The following PRH1 variants were observed in gnomAD, a reference collection of about 807,000 sequenced individuals.
PRH1 encodes proline rich protein HaeIII subfamily 1.
A neutral mutation model predicts 7.9 loss-of-function variants in PRH1; 7 were observed. The observed-to-expected ratio is 0.89, with a 90% CI of 0.50 to 1.67. The LOEUF is 1.67. Ranked by LOEUF, PRH1 falls within the 40% of genes most tolerant of loss-of-function variation. PRH1 has a pLI of 0.00. For missense variants in PRH1, 109 were observed against 223.6 expected, an observed-to-expected ratio of 0.49 and a Z score of 3.27; for synonymous variants, 45 against 80.8, an observed-to-expected ratio of 0.56 and a Z score of 2.38.
intron 2 of PRH1, among the ~76,000 whole-genome samples, chr12:10,890,954 C>T (rs1036798476): frequency 8.6e-5 from 13 of 151,980 alleles, no homozygotes; most frequent in Admixed American, 8.5e-4. Context: ...CTTCCCCCAA[C>T]CCCCAGAACC....
intron 1 of PRH1, 149 bp downstream of exon 1, chr12:10,884,005 G>A (rs754022151): frequency 6.4e-5 from 57 of 894,808 alleles, no homozygotes; most frequent in Non-Finnish European, 9.8e-5. Flanking sequence ...GAGGAATGGA[G>A]GTACAATAGA....
chr12:10,990,095 A>G (rs1373207649), intron 1 of PRH1, among the ~76,000 whole-genome samples: 1 of 152,230 alleles, frequency 6.6e-6, no homozygotes, highest in Non-Finnish European at 1.5e-5. Flanking sequence ...TATAGTAACC[A>G]AAACAGCATG....
At position 11,087,961 on chromosome 12, in the gene PRH1, C is replaced by T. The variant is rs115780267; in HGVS notation, n.124-40773G>A. ...GCCTCGTTTTATAATAATAATAACA[C>T]TGTCACTGTTTTATATCATGGCTAT... On this transcript the variant is annotated intron_variant and non_coding_transcript_variant, in intron 1 of 4. Coordinates refer to the PRH1 transcript ENST00000541977. Among the ~76,000 whole-genome samples the T allele has an allele frequency of 7.5e-3, 743 of 98,882 alleles. 180 individuals carry two copies. The highest frequency in any genetic ancestry group is 0.023 in the African/African-American group (715 of 31,386). The allele number at this position is 98,882 out of a possible 152,430, so 64.9% of individuals were successfully genotyped here. A position where few individuals can be genotyped will look rare whatever the true frequency, so the allele number is the denominator to read the frequency against.
At chr12:11,008,863 G>A (rs1940947270) in intron 1 of PRH1, among the ~76,000 whole-genome samples, 1 of 151,666 alleles carries the variant, frequency 6.6e-6, no homozygotes. Context: ...CAATTCCTTT[G>A]CATATATGCC....
chr12:10,952,974 A>T (rs377318495), intron 2 of PRH1, among the ~76,000 whole-genome samples: 250 of 152,306 alleles, frequency 1.6e-3, no homozygotes, highest in African/African-American at 5.8e-3. Flanking sequence ...CCCAATGTTG[A>T]GGTGCCAGAG....
chr12:11,039,748 T>C (rs543217858), intron 1 of PRH1, among the ~76,000 whole-genome samples: 10 of 152,348 alleles, frequency 6.6e-5, no homozygotes, highest in African/African-American at 2.2e-4. Flanking sequence ...AGGCCAATAA[T>C]CCTTAAATCC....
rs1386123607 is a variant in PRH1, at chr12:10,882,250, C to A, written c.549G>T (p.Gly183=). 2 of 1,613,488 alleles carry A rather than the reference C, an allele frequency of 1.2e-6. No homozygotes were observed. The highest frequency in any genetic ancestry group is 1.7e-6 in the Non-Finnish European group (2 of 1,179,880). ...GAATCCTAGATTACTGAGGAGACTG[C>A]CCCTGTGGAGGTCCTTGTGGGCGGC... ...QGGRPQGPPQ[G]QSPQ Residue 183 remains glycine, a synonymous_variant, in exon 3 of 4, where the codon GGG becomes GGT. Transcript: ENST00000543626.
intron 1 of PRH1, among the ~76,000 whole-genome samples, chr12:11,010,123 G>T (rs1941001022): frequency 6.6e-6 from 1 of 151,936 alleles, no homozygotes; most frequent in Admixed American, 6.6e-5. Flanking sequence ...ACTTGCTTAA[G>T]CAATGCATTT....
chr12:10,968,146 ATC>A (rs1230251623), intron 2 of PRH1, among the ~76,000 whole-genome samples: 2 of 152,306 alleles, frequency 1.3e-5, no homozygotes, highest in East Asian at 1.9e-4. Flanking sequence ...GAAATGGTTT[ATC>A]TCTCTGATTG....
At chr12:11,062,955 G>A (rs928879846) in intron 1 of PRH1, among the ~76,000 whole-genome samples, 1 of 151,782 alleles carries the variant, frequency 6.6e-6, no homozygotes, top group Non-Finnish European at 1.5e-5. Flanking sequence ...ACACACACAT[G>A]TGCACACCAC....
chr12:10,956,306 G>A (rs1381665469), intron 2 of PRH1, among the ~76,000 whole-genome samples: 1 of 151,794 alleles, frequency 6.6e-6, no homozygotes, highest in Admixed American at 6.6e-5. Flanking sequence ...TCACATAAGT[G>A]AAACTAACAA....
intron 1 of PRH1, among the ~76,000 whole-genome samples, chr12:11,005,534 G>T (rs1280431463): frequency 6.6e-6 from 1 of 152,012 alleles, no homozygotes; most frequent in Non-Finnish European, 1.5e-5. Context: ...AGAATCCAAG[G>T]TTTTCTTGGA....
chr12:11,133,004 T>A (rs369127037), intron 1 of PRH1: 2,446 of 149,940 alleles, frequency 0.016, no homozygotes, highest in Admixed American at 0.035. Flanking sequence ...AAAATACATG[T>A]ATGAAATAAA....
chr12:11,085,402 G>A (rs1297338660), intron 1 of PRH1, among the ~76,000 whole-genome samples: 2 of 107,962 alleles, frequency 1.9e-5, no homozygotes, highest in Middle Eastern at 4.1e-3. Context: ...TACCATTACT[G>A]TTATGGAAAA....
At chr12:11,116,218 C>T (rs150915171), downstream of PRH1, among the ~76,000 whole-genome samples, 2,038 of 151,982 alleles carry the variant, frequency 0.013, 21 homozygotes, top group Middle Eastern at 0.027. Context: ...ACAACTGATA[C>T]CACTGAAATT....
exon 1 of PRH1, chr12:11,171,443 G>A: frequency 8.1e-7 from 1 of 1,232,040 alleles, no homozygotes; most frequent in Middle Eastern, 3.1e-4. Flanking sequence ...TCTTCTGCAA[G>A]GGGCTCTCCC....
intron 1 of PRH1, among the ~76,000 whole-genome samples, chr12:11,111,057 G>C (rs534002597): frequency 6.6e-6 from 1 of 152,158 alleles, no homozygotes; most frequent in African/African-American, 2.4e-5. Flanking sequence ...AGACAAAGAG[G>C]AGAATTACAT....
At chr12:11,162,629 T>G (rs575909412) in intron 1 of PRH1, among the ~76,000 whole-genome samples, 2 of 152,284 alleles carry the variant, frequency 1.3e-5, no homozygotes, top group East Asian at 3.9e-4. Flanking sequence ...AGGTACTGTG[T>G]TGCTGACCAA....
intron 1 of PRH1, among the ~76,000 whole-genome samples, chr12:11,066,253 G>A (rs1943806643): frequency 6.6e-6 from 1 of 152,148 alleles, no homozygotes. Context: ...ACTCACACAA[G>A]TGTGACAGAA....
Sources: gnomAD v4.1 joint callset for allele counts (sites outside exome capture counted in the v4.1 genomes callset) on GRCh38, gnomAD v4.1.1 for gene constraint, MANE v1.5 for transcripts, NCBI Gene and HGNC (gene_info 2026-07-23, HGNC 2026-07-21) for gene names.